The following NAV3 variants were observed in gnomAD, a reference collection of about 807,000 sequenced individuals.
NAV3 encodes neuron navigator 3.
Under a neutral mutation model 244.7 loss-of-function variants are expected in NAV3, and 87 were observed. The observed-to-expected ratio is 0.36, with a 90% confidence interval of 0.30 to 0.42. NAV3 has a LOEUF of 0.42. NAV3 is among the 20% of genes least tolerant of loss of function. The probability of loss-of-function intolerance (pLI) is 1.00; values close to 1 mark genes in which losing one functional copy is unlikely to be tolerated. For missense variants in NAV3, 2,663 were observed against 2,893.3 expected (o/e 0.92, Z 1.83); for synonymous variants, 1,126 against 1,042.2 (o/e 1.08, Z -1.55).
At chr12:77,587,382 A>G (rs2136701360) in intron 2 of NAV3, among the ~76,000 whole-genome samples, 1 of 152,302 alleles carries the variant, frequency 6.6e-6, no homozygotes, top group East Asian at 1.9e-4. Flanking sequence ...TTAGCAAATG[A>G]TTTAAAATTG....
intron 1 of NAV3, among the ~76,000 whole-genome samples, chr12:77,937,262 C>T (rs1376536892): frequency 6.6e-6 from 1 of 152,116 alleles, no homozygotes; most frequent in East Asian, 1.9e-4. Flanking sequence ...ATATCAAAGC[C>T]CTTAAGCTTG....
intron 1 of NAV3, among the ~76,000 whole-genome samples, chr12:77,864,473 C>G (rs1879713537): frequency 6.6e-6 from 1 of 151,846 alleles, no homozygotes; most frequent in Admixed American, 6.6e-5. Context: ...CCTTGCCTTC[C>G]CAATGTCACC....
chr12:77,787,180 A>C lies in NAV3; in HGVS notation c.73-153139A>C, dbSNP rs527563084. Reference sequence around the variant, plus strand: ...TAGATGTCTAGAGAGTCATTTATATAAAAACACTGATGTGACCAACATATT... The same window carrying C: ...TAGATGTCTAGAGAGTCATTTATATCAAAACACTGATGTGACCAACATATT... On this transcript the variant is annotated intron_variant, in intron 2 of 8. Coordinates refer to the NAV3 transcript ENST00000550042. Among the ~76,000 whole-genome samples, 14 of 152,236 alleles carry C rather than the reference A, an allele frequency of 9.2e-5. No homozygotes were observed. The South Asian group carries it at 2.9e-3, about 32-fold the overall frequency.
At chr12:77,720,155 T>TTCTC (rs71088328) in intron 2 of NAV3, among the ~76,000 whole-genome samples, 6 of 151,258 alleles carry the variant, frequency 4.0e-5, no homozygotes, top group African/African-American at 9.7e-5. Context: ...TTACTTGAGT[T>TTCTC]TCTCTCTCTC....
intron 2 of NAV3, among the ~76,000 whole-genome samples, chr12:77,709,823 ATACT>A (rs1380251537): frequency 2.0e-5 from 3 of 152,170 alleles, no homozygotes. Context: ...CATAGAGTAG[ATACT>A]TAGTTAAAAG....
chr12:77,815,756 C>T (rs985780343), intron 2 of NAV3, among the ~76,000 whole-genome samples: 3 of 152,078 alleles, frequency 2.0e-5, no homozygotes, highest in Admixed American at 6.5e-5. Context: ...CCTTTCTGAA[C>T]AGTACACTGT....
At chr12:77,814,592 TTGGGAG>T (rs1482651052) in intron 2 of NAV3, among the ~76,000 whole-genome samples, 2 of 152,040 alleles carry the variant, frequency 1.3e-5, no homozygotes, top group Non-Finnish European at 2.9e-5. Flanking sequence ...TAAACATCCC[TTGGGAG>T]GGACAGTGGA....
chr12:78,205,763 T>C (rs1416380266), intron 39 of NAV3, among the ~76,000 whole-genome samples: 1 of 152,142 alleles, frequency 6.6e-6, no homozygotes, highest in Non-Finnish European at 1.5e-5. Context: ...TATCTATTTT[T>C]ATTTTTACAG....
intron 2 of NAV3, among the ~76,000 whole-genome samples, chr12:77,588,892 A>G (rs374156236): frequency 1.3e-5 from 2 of 152,202 alleles, no homozygotes; most frequent in South Asian, 2.1e-4. Flanking sequence ...CTAGAGTTTT[A>G]GTGGGCTCTC....
intron 28 of NAV3, 78 bp from the exon 29 acceptor site, chr12:78,179,451 C>T: frequency 1.3e-6 from 2 of 1,549,922 alleles, no homozygotes; most frequent in South Asian, 1.1e-5. Flanking sequence ...TATTGCAGTG[C>T]AGCCTTTAAA....
At chr12:77,888,087 A>G (rs1325369970) in intron 1 of NAV3, among the ~76,000 whole-genome samples, 3 of 151,464 alleles carry the variant, frequency 2.0e-5, no homozygotes, top group African/African-American at 2.4e-5. Flanking sequence ...AATGAGGAAT[A>G]TGCGGTAAAA....
intron 24 of NAV3, among the ~76,000 whole-genome samples, chr12:78,172,271 G>GT (rs1201883479): frequency 1.3e-5 from 2 of 151,562 alleles, no homozygotes; most frequent in Admixed American, 1.3e-4. Flanking sequence ...GCACTAAGTT[G>GT]TTTTTTAGAC....
intron 29 of NAV3, among the ~76,000 whole-genome samples, chr12:78,180,537 C>T (rs912819442): frequency 6.6e-6 from 1 of 151,904 alleles, no homozygotes; most frequent in Non-Finnish European, 1.5e-5. Flanking sequence ...TTAACATCAC[C>T]TTTAAAATGA....
chr12:78,132,546 C>G (rs1297713631), intron 18 of NAV3, among the ~76,000 whole-genome samples: 1 of 152,130 alleles, frequency 6.6e-6, no homozygotes, highest in Non-Finnish European at 1.5e-5. Flanking sequence ...ATTGTAGACA[C>G]AAGGTCACTT....
rs11106633 is a variant in NAV3 at position 77,767,927 on chromosome 12, A to T, written c.73-172392A>T. 3.0e-3 allele frequency among the ~76,000 whole-genome samples: 455 copies of T among 152,326 alleles called. 3 individuals carry two copies. The highest frequency in any genetic ancestry group is 0.01 in the African/African-American group (434 of 41,578). ...TGGCAGGTCCCAAGTTTTGTCCCAC[A>T]TCCAGGAAGAACAAGGTATGCAGAC... is the stretch of plus-strand genomic sequence containing the variant. On this transcript the variant is annotated intron_variant, in intron 2 of 8. Coordinates refer to the NAV3 transcript ENST00000550042.
intron 39 of NAV3, among the ~76,000 whole-genome samples, chr12:78,209,327 A>G (rs190727074): frequency 6.7e-6 from 1 of 148,754 alleles, no homozygotes; most frequent in Admixed American, 6.9e-5. Flanking sequence ...CGTTTTTTAG[A>G]TTTCTCCTTT....
At chr12:78,066,131 T>C (rs1206601498) in intron 12 of NAV3, among the ~76,000 whole-genome samples, 1 of 152,026 alleles carries the variant, frequency 6.6e-6, no homozygotes, top group African/African-American at 2.4e-5. Flanking sequence ...TCCTGCCATA[T>C]GAGGTTACAT....
intron 11 of NAV3, among the ~76,000 whole-genome samples, chr12:78,051,992 C>T (rs918605496): frequency 5.3e-5 from 8 of 152,112 alleles, no homozygotes; most frequent in Admixed American, 2.0e-4. Flanking sequence ...GCTAGGGAAA[C>T]GGCAGACCTG....
chr12:78,206,854 C>CTTTTTTTTTTTTTTTTTTTTT (rs10594185), intron 39 of NAV3, among the ~76,000 whole-genome samples: 9 of 114,840 alleles, frequency 7.8e-5, no homozygotes, highest in South Asian at 2.8e-4. Context: ...TTCTTTCTTA[C>CTTTTTTTTTTTTTTTTTTTTT]TTTTTTTTTT....
Sources: allele counts gnomAD v4.1 joint callset (sites outside exome capture counted in the v4.1 genomes callset), GRCh38; gene constraint gnomAD v4.1.1; transcripts MANE v1.5; gene names NCBI Gene and HGNC (gene_info 2026-07-23, HGNC 2026-07-21).